Variants in SEL1L2 observed in about 807,000 individuals in gnomAD.
The protein encoded by SEL1L2 is SEL1L2 adaptor subunit of SYVN1 ubiquitin ligase.
In SEL1L2, 89 loss-of-function variants were observed where a neutral mutation model predicts 98.8. The observed-to-expected ratio is 0.90, with a 90% CI of 0.76 to 1.07. The LOEUF (loss-of-function observed/expected upper bound fraction) is 1.07, where lower values mean the gene tolerates loss of function less well. SEL1L2 is among the 50% of genes least tolerant of loss of function. SEL1L2 has a pLI of 0.00. For missense variants in SEL1L2, 788 were observed against 812.0 expected (o/e 0.97, Z 0.36); for synonymous variants, 262 against 278.5 (o/e 0.94, Z 0.59).
At chr20:13,961,016 T>A (rs1296454439) in intron 1 of SEL1L2, among the ~76,000 whole-genome samples, 1 of 152,222 alleles carries the variant, frequency 6.6e-6, no homozygotes, top group Non-Finnish European at 1.5e-5. Context: ...TAGCTCTAAC[T>A]GTAATTTATT....
At chr20:13,983,096 G>A (rs1265351878) in intron 1 of SEL1L2, among the ~76,000 whole-genome samples, 2 of 139,424 alleles carry the variant, frequency 1.4e-5, no homozygotes, top group Non-Finnish European at 3.1e-5. Flanking sequence ...CACATGATTA[G>A]TTTAACATGA....
intron 10 of SEL1L2, among the ~76,000 whole-genome samples, chr20:13,879,870 A>C (rs942285816): frequency 6.6e-6 from 1 of 152,162 alleles, no homozygotes; most frequent in Admixed American, 6.5e-5. Context: ...CATGACCAAA[A>C]TATGTCCCCA....
chr20:13,956,044 T>TA (rs1197513688), intron 2 of SEL1L2, 32 bp downstream of exon 2: 5 of 1,314,618 alleles, frequency 3.8e-6, no homozygotes, highest in Non-Finnish European at 4.3e-6. Flanking sequence ...AATTTTCTAT[T>TA]AAAAAATGTA....
At chr20:13,914,876 C>T (rs146719690) in intron 4 of SEL1L2, among the ~76,000 whole-genome samples, 3 of 152,238 alleles carry the variant, frequency 2.0e-5, no homozygotes, top group East Asian at 3.9e-4. Flanking sequence ...CTGCACTCTT[C>T]GAGACCCAGT....
chr20:13,928,532 C>T (rs62207687), intron 3 of SEL1L2, among the ~76,000 whole-genome samples: 8,657 of 152,250 alleles, frequency 0.057, 279 homozygotes, highest in Non-Finnish European at 0.073. Context: ...TACAATTACC[C>T]ACCCACCAAT....
Position 13,919,433 on chromosome 20 carries a change from C to T in SEL1L2, c.284-310G>A, listed in dbSNP as rs140038984. Among the ~76,000 whole-genome samples the T allele has an allele frequency of 3.4e-4, 51 of 152,198 alleles. No homozygotes were observed. In the East Asian group the frequency reaches 5.6e-3, roughly 17 times the overall value. On this transcript the variant is annotated intron_variant, in intron 3 of 19. Coordinates refer to ENST00000284951, the MANE Select transcript of SEL1L2 (RefSeq NM_025229.2). ...TCTAGGGAAGGGATACAAGGTTCTC[C>T]GATCAGAAGGCAGGAGATGCCTGGT...
Position 13,939,040 on chromosome 20 carries a change from G to GTTTTTTTTTTTTTTTT in SEL1L2, c.115-7285_115-7270dup, listed in dbSNP as rs386365633. On this transcript the variant is annotated intron_variant, in intron 2 of 19. Coordinates refer to ENST00000284951, the MANE Select transcript of SEL1L2 (RefSeq NM_025229.2). Reference sequence around the variant, plus strand: ...TCTTTTTGGTTTGTTTGCTTGTTTTGTTTTTTTTTTTTTTTTTTTCTGAGA... The same window carrying GTTTTTTTTTTTTTTTT: ...TCTTTTTGGTTTGTTTGCTTGTTTTGTTTTTTTTTTTTTTTTTTTTTTTTTTTTTTTTTTTCTGAGA... Among the ~76,000 whole-genome samples the GTTTTTTTTTTTTTTTT allele has an allele frequency of 8.0e-4, 91 of 114,064 alleles. 4 individuals carry two copies. Among genetic ancestry groups the GTTTTTTTTTTTTTTTT allele is most frequent in the African/African-American group, 2.9e-3 (84 of 28,876 alleles). The allele number at this position is 114,064 out of a possible 152,430, so 74.8% of individuals were successfully genotyped here.
At position 13,940,092 on chromosome 20, in the gene SEL1L2, T is replaced by C. The variant is rs139019116; in HGVS notation, c.115-8321A>G. Reference sequence around the variant, plus strand: ...AAGACAGAAGCATTTTCTGATCATATGGAGCTTCCATTTGTCTGTAAGAAA... The same window carrying C: ...AAGACAGAAGCATTTTCTGATCATACGGAGCTTCCATTTGTCTGTAAGAAA... On this transcript the variant is annotated intron_variant, in intron 2 of 19. Transcript: ENST00000284951. Among the ~76,000 whole-genome samples the C allele has an allele frequency of 8.5e-5, 13 of 152,352 alleles. No individual in the cohort carries two copies. The East Asian group carries it at 2.3e-3, about 27-fold the overall frequency.
intron 12 of SEL1L2, among the ~76,000 whole-genome samples, chr20:13,873,829 C>G (rs2046312712): frequency 6.6e-6 from 1 of 152,172 alleles, no homozygotes; most frequent in African/African-American, 2.4e-5. Context: ...ATCCCCTGCC[C>G]TGGACCCCTT....
chr20:13,889,870 A>T (rs1208450784), intron 5 of SEL1L2, among the ~76,000 whole-genome samples: 1 of 152,254 alleles, frequency 6.6e-6, no homozygotes, highest in African/African-American at 2.4e-5. Flanking sequence ...TGGATGTAAA[A>T]TATTCAAACA....
rs376856693 is a variant in SEL1L2, at chr20:13,888,443, A to G, written c.603+16T>C. On this transcript the variant is annotated intron_variant, in intron 6 of 19. Transcript: ENST00000284951. ...GAAATCAATTTTGTTCCAGAATAAA[A>G]CAGAATGATCTTTACCTTAGCTTGA... 125 of 1,504,398 alleles carry G rather than the reference A, an allele frequency of 8.3e-5. 2 individuals carry two copies. Among genetic ancestry groups the G allele is most frequent in the South Asian group, 5.2e-4 (44 of 84,376 alleles). 93.2% of individuals were successfully genotyped at this position (1,504,398 alleles called of 1,614,324 possible). A position where few individuals can be genotyped will look rare whatever the true frequency, so the allele number is the denominator to read the frequency against.
At chr20:13,939,040 G>GGTTTTTTTTTTTTTGTTTTTTTTTTT in intron 2 of SEL1L2, among the ~76,000 whole-genome samples, 1 of 114,072 alleles carries the variant, frequency 8.8e-6, no homozygotes, top group Non-Finnish European at 1.7e-5. Context: ...TGCTTGTTTT[G>GGTTTTTTTTTTTTTGTTTTTTTTTTT]TTTTTTTTTT....
intron 2 of SEL1L2, among the ~76,000 whole-genome samples, chr20:13,947,549 A>G (rs2050073848): frequency 6.6e-6 from 1 of 152,036 alleles, no homozygotes; most frequent in South Asian, 2.1e-4. Context: ...TGGATGCAGG[A>G]CAAGAACTTG....
upstream of SEL1L2, among the ~76,000 whole-genome samples, chr20:13,990,969 T>C (rs967367503): frequency 5.9e-5 from 9 of 152,234 alleles, no homozygotes; most frequent in Non-Finnish European, 7.3e-5. Flanking sequence ...TGTAAGCTGG[T>C]ATCTCTAGGC....
At chr20:13,922,785 GCTAT>G (rs997578605) in intron 3 of SEL1L2, among the ~76,000 whole-genome samples, 19 of 152,080 alleles carry the variant, frequency 1.2e-4, no homozygotes, top group South Asian at 8.3e-4. Flanking sequence ...ACTGGAATGT[GCTAT>G]CTTTTTCCTT....
At chr20:13,901,672 T>C (rs1308536154) in intron 5 of SEL1L2, among the ~76,000 whole-genome samples, 1 of 151,752 alleles carries the variant, frequency 6.6e-6, no homozygotes, top group East Asian at 1.9e-4. Flanking sequence ...TTTTTCTTTT[T>C]TTTTTTTGAG....
At chr20:13,893,364 G>T (rs2047287056) in intron 5 of SEL1L2, among the ~76,000 whole-genome samples, 2 of 152,180 alleles carry the variant, frequency 1.3e-5, no homozygotes, top group African/African-American at 2.4e-5. Flanking sequence ...AGCCAGAGCA[G>T]CCCTACTTAT....
intron 4 of SEL1L2, among the ~76,000 whole-genome samples, chr20:13,916,155 C>T (rs779470146): frequency 6.6e-6 from 1 of 152,112 alleles, no homozygotes; most frequent in Non-Finnish European, 1.5e-5. Flanking sequence ...AAAGAAGAGG[C>T]TGAATGAGTG....
chr20:13,915,942 G>A (rs1373389968), intron 4 of SEL1L2, among the ~76,000 whole-genome samples: 1 of 152,122 alleles, frequency 6.6e-6, no homozygotes, highest in Admixed American at 6.5e-5. Context: ...GCTTCTGCAG[G>A]GCACATCAGA....
Sources: allele counts gnomAD v4.1 joint callset (sites outside exome capture counted in the v4.1 genomes callset), GRCh38; gene constraint gnomAD v4.1.1; transcripts MANE v1.5; gene names NCBI Gene and HGNC (gene_info 2026-07-23, HGNC 2026-07-21).